Variants in KIAA0513 observed in about 807,000 individuals in gnomAD.
KIAA0513 encodes KIAA0513.
Under a neutral mutation model 56.5 loss-of-function variants are expected in KIAA0513, and 39 were observed. The ratio of observed to expected loss-of-function variants is 0.69; its 90% CI spans 0.53 to 0.90. The LOEUF is 0.90. KIAA0513 is among the 40% of genes least tolerant of loss of function. The pLI is 0.00. For synonymous variants in KIAA0513, 268 were observed against 215.6 expected (o/e 1.24, Z -2.13); for missense variants, 591 against 535.2 (o/e 1.10, Z -1.03).
intron 1 of KIAA0513, among the ~76,000 whole-genome samples, chr16:85,046,914 T>C (rs888070292): frequency 1.3e-5 from 2 of 152,224 alleles, no homozygotes; most frequent in Admixed American, 6.5e-5. Flanking sequence ...CTAATTCCAA[T>C]GTCTCTGTTA....
Position 85,089,277 on chromosome 16 carries a change from G to A in KIAA0513, c.*952G>A, listed in dbSNP as rs2144119386. The A allele has an allele frequency of 6.6e-6, 1 of 152,488 alleles. No homozygotes were observed. Among genetic ancestry groups the A allele is most frequent in the Non-Finnish European group, 1.5e-5 (1 of 68,120 alleles). 9.4% of individuals were successfully genotyped at this position (152,488 alleles called of 1,614,324 possible). The stretch of plus-strand genomic sequence containing the variant: ...CAAGGCAGGAAAGTCTGAGTTGGGA[G>A]TGACAGTGGCTGGAGAGAAGCAGAT... On this transcript the variant is annotated 3_prime_UTR_variant, in exon 13 of 13. Coordinates refer to ENST00000683363, the MANE Select transcript of KIAA0513 (RefSeq NM_001388359.1). This position sits in a 1 kb window ranked among gnomAD's most constrained non-coding sequence, Gnocchi z 4.2.
intron 2 of KIAA0513, among the ~76,000 whole-genome samples, chr16:85,068,943 A>G (rs1295444102): frequency 6.6e-6 from 1 of 152,190 alleles, no homozygotes; most frequent in African/African-American, 2.4e-5. Context: ...ATAGTTGGCT[A>G]AGAGGTTGCA....
chr16:85,068,064 G>A (rs1203477421), intron 2 of KIAA0513, among the ~76,000 whole-genome samples: 1 of 152,114 alleles, frequency 6.6e-6, no homozygotes, highest in Non-Finnish European at 1.5e-5. Flanking sequence ...ACCCGCCTCA[G>A]CCTCCCAAAG....
rs990405560 is a variant in KIAA0513, at chr16:85,038,756, A to G, written c.-173+10898A>G. On this transcript the variant is annotated intron_variant, in intron 1 of 12. Transcript: ENST00000683363. ...AATAATATCTTTGTTGATAGATTCT[A>G]TTTAACTCAATGTATCCAAAATATT... 4.0e-4 allele frequency among the ~76,000 whole-genome samples: 60 copies of G among 150,900 alleles called. 1 individual carries two copies. The highest frequency in any genetic ancestry group is 1.4e-3 in the African/African-American group (58 of 40,774).
chr16:85,043,906 C>T (rs768611350), intron 1 of KIAA0513, among the ~76,000 whole-genome samples: 10 of 152,172 alleles, frequency 6.6e-5, no homozygotes, highest in Non-Finnish European at 1.5e-4. Context: ...GTGGCGCATG[C>T]CTGTAATCCC....
chr16:85,076,819 CAT>C lies in KIAA0513; in HGVS notation c.575-604_575-603del. ...CTCCTTTTTGAAGAACGGATAGACA[CAT>C]AATGAATAGACACTGCTTCCTGAGA... On this transcript the variant is annotated intron_variant, in intron 5 of 12. Transcript: ENST00000683363. This position sits in a 1 kb window ranked among gnomAD's most constrained non-coding sequence, Gnocchi z 4.7. Among the ~76,000 whole-genome samples the C allele has an allele frequency of 6.6e-6, 1 of 152,282 alleles. No homozygotes were observed. Among genetic ancestry groups the C allele is most frequent in the Middle Eastern group, 3.4e-3 (1 of 294 alleles).
intron 1 of KIAA0513, among the ~76,000 whole-genome samples, chr16:85,059,376 A>G (rs62049881): frequency 0.084 from 12,820 of 152,196 alleles, 1,738 homozygotes; most frequent in African/African-American, 0.28. Flanking sequence ...TAGGTTAAAA[A>G]CATTCTCAGC....
chr16:85,053,031 G>A (rs927520003), intron 1 of KIAA0513, among the ~76,000 whole-genome samples: 2 of 152,020 alleles, frequency 1.3e-5, no homozygotes, highest in South Asian at 2.1e-4. Context: ...GGGATTACAG[G>A]TGCCCACCAC....
At chr16:85,070,117 A>G (rs7188258) in intron 2 of KIAA0513, among the ~76,000 whole-genome samples, 85,738 of 150,116 alleles carry the variant, frequency 0.57, 27,332 homozygotes, top group African/African-American at 0.86. Context: ...GTTGCAGTGA[A>G]CCGTGATCGG....
intron 1 of KIAA0513, among the ~76,000 whole-genome samples, chr16:85,058,876 A>T (rs1366969126): frequency 1.3e-5 from 2 of 152,188 alleles, no homozygotes; most frequent in Non-Finnish European, 2.9e-5. Context: ...AGAGAATTTT[A>T]TGAGCAAGGA....
intron 1 of KIAA0513, among the ~76,000 whole-genome samples, chr16:85,043,205 C>G (rs1403479602): frequency 7.2e-5 from 11 of 152,032 alleles, no homozygotes; most frequent in African/African-American, 2.4e-4. Context: ...TGAGGACCTA[C>G]TAAAACAATT....
rs3751750 is a variant in KIAA0513, at chr16:85,081,673, T to A, written c.980+281T>A. 2.5e-3 allele frequency among the ~76,000 whole-genome samples: 380 copies of A among 152,082 alleles called. No individual in the cohort carries two copies. The highest frequency in any genetic ancestry group is 0.01 in the Middle Eastern group (3 of 294). Reference sequence around the variant, plus strand: ...CTCCCACTAAGACCATCAGGACCCCTGCTGCTGGGCCCACCCTGCTGTTTG... The same window carrying A: ...CTCCCACTAAGACCATCAGGACCCCAGCTGCTGGGCCCACCCTGCTGTTTG... On this transcript the variant is annotated intron_variant, in intron 9 of 12. Coordinates refer to ENST00000683363, the MANE Select transcript of KIAA0513 (RefSeq NM_001388359.1). This position sits in a 1 kb window ranked among gnomAD's most constrained non-coding sequence, Gnocchi z 4.4.
At chr16:85,061,877 G>C (rs905961320) in intron 1 of KIAA0513, among the ~76,000 whole-genome samples, 2 of 152,178 alleles carry the variant, frequency 1.3e-5, no homozygotes, top group African/African-American at 4.8e-5. Flanking sequence ...AATACAGACC[G>C]CTGTGGCCTC....
chr16:85,087,851 C>T (rs986676277), intron 12 of KIAA0513, among the ~76,000 whole-genome samples: 10 of 152,322 alleles, frequency 6.6e-5, no homozygotes, highest in East Asian at 3.9e-4. Flanking sequence ...GGCTGCTGGA[C>T]GACCTCAGAA....
intron 4 of KIAA0513, among the ~76,000 whole-genome samples, chr16:85,074,335 TACACAC>T (rs1169016390): frequency 6.9e-5 from 9 of 130,772 alleles, no homozygotes; most frequent in South Asian, 5.1e-4. Context: ...CACGTATATA[TACACAC>T]ATACACACAC....
At position 85,067,415 on chromosome 16, in the gene KIAA0513, T is replaced by G; in HGVS notation, c.329+15T>G. 2 of 1,579,446 alleles carry G rather than the reference T, an allele frequency of 1.3e-6. No individual in the cohort carries two copies. The highest frequency in any genetic ancestry group is 1.7e-6 in the Non-Finnish European group (2 of 1,167,026). On this transcript the variant is annotated intron_variant, in intron 2 of 12. Transcript: ENST00000683363. ...TTCTCTGGAGGGTAAGGGGCCTGTG[T>G]GGACGAGACAGCCTGGTGTGGCCAC...
At chr16:85,084,786 C>T in intron 10 of KIAA0513, among the ~76,000 whole-genome samples, 1 of 150,994 alleles carries the variant, frequency 6.6e-6, no homozygotes, top group East Asian at 1.9e-4. Context: ...TGGTCTTGAA[C>T]TCCTGAACTC....
chr16:85,086,496 A>G, intron 10 of KIAA0513, 148 bp from the exon 11 acceptor site: 1 of 736,736 alleles, frequency 1.4e-6, no homozygotes, highest in Non-Finnish European at 2.4e-6. Flanking sequence ...GGCCCAGCAC[A>G]CGGCTCTCCG....
At chr16:85,047,286 C>T (rs1194123573) in intron 1 of KIAA0513, among the ~76,000 whole-genome samples, 1 of 152,212 alleles carries the variant, frequency 6.6e-6, no homozygotes, top group African/African-American at 2.4e-5. Flanking sequence ...TTTACATATG[C>T]CTCGCTCAGG....
Sources: allele counts gnomAD v4.1 joint callset (sites outside exome capture counted in the v4.1 genomes callset), GRCh38; gene constraint gnomAD v4.1.1; non-coding constraint Gnocchi (gnomAD v3.1); transcripts MANE v1.5; gene names NCBI Gene and HGNC (gene_info 2026-07-23, HGNC 2026-07-21).